TENM2: variants seen among roughly 807,000 people sequenced by gnomAD.
TENM2 encodes the protein teneurin transmembrane protein 2.
Under a neutral mutation model 245.2 loss-of-function variants are expected in TENM2, and 52 were observed. That is an observed-to-expected ratio of 0.21 (90% confidence interval 0.17 to 0.27). The LOEUF (loss-of-function observed/expected upper bound fraction) is 0.27. TENM2 is among the 10% of genes least tolerant of loss of function. The pLI is 1.00. For missense variants in TENM2, 3,046 were observed against 3,666.8 expected (o/e 0.83, Z 4.37); for synonymous variants, 1,363 against 1,438.9 (o/e 0.95, Z 1.19).
chr5:168,222,963 C>T (rs989355059), intron 23 of TENM2, among the ~76,000 whole-genome samples: 5 of 152,208 alleles, frequency 3.3e-5, no homozygotes, highest in Admixed American at 6.5e-5. Flanking sequence ...GCCTCCAGCC[C>T]CACTCCAGCC....
intron 3 of TENM2, chr5:167,934,973 G>C: frequency 1.1e-6 from 1 of 948,610 alleles, no homozygotes; most frequent in Non-Finnish European, 1.3e-6. Flanking sequence ...GCAAAGAAAG[G>C]GGGTGGGAAA....
intron 2 of TENM2, among the ~76,000 whole-genome samples, chr5:167,816,458 T>C (rs1468881560): frequency 1.3e-5 from 2 of 152,220 alleles, no homozygotes; most frequent in Non-Finnish European, 2.9e-5. Context: ...TTCTGAATCT[T>C]CTCTGCCACT....
At chr5:167,372,435 C>T (rs1371831735) in intron 1 of TENM2, among the ~76,000 whole-genome samples, 1 of 152,206 alleles carries the variant, frequency 6.6e-6, no homozygotes, top group Non-Finnish European at 1.5e-5. Context: ...TGGCCCTCAG[C>T]CCACTGTTAC....
At chr5:167,279,662 A>G in the TENM2 span, among the ~76,000 whole-genome samples, 3 of 151,346 alleles carry the variant, frequency 2.0e-5, no homozygotes, top group South Asian at 4.2e-4. Flanking sequence ...TGTTAAGTCA[A>G]TCTACCATCT....
chr5:167,032,302 G>T, the TENM2 span, among the ~76,000 whole-genome samples: 4 of 152,166 alleles, frequency 2.6e-5, no homozygotes, highest in Non-Finnish European at 5.9e-5. Flanking sequence ...CTTAAAATTT[G>T]CATTGAATGC....
At chr5:167,847,330 C>A (rs762292765) in intron 2 of TENM2, among the ~76,000 whole-genome samples, 1 of 152,228 alleles carries the variant, frequency 6.6e-6, no homozygotes, top group Non-Finnish European at 1.5e-5. Flanking sequence ...TTAAATGCCT[C>A]CACCCACAGT....
At position 168,251,291 on chromosome 5, in the gene TENM2, C is replaced by G. The variant is rs1342963382; in HGVS notation, c.7432+2920C>G. 2.6e-5 allele frequency among the ~76,000 whole-genome samples: 4 copies of G among 152,344 alleles called. No individual in the cohort carries two copies. In the East Asian group the frequency reaches 5.8e-4, roughly 22 times the overall value. ...GACCCCCTCAGCTACTTACCTGGCT[C>G]TCCAGAAAAGGCCAAAAAATAATTA... On this transcript the variant is annotated intron_variant, in intron 27 of 28. Coordinates refer to ENST00000518659, the Ensembl canonical transcript of TENM2.
chr5:167,550,100 A>AT (rs1316671351), intron 2 of TENM2, among the ~76,000 whole-genome samples: 1 of 152,164 alleles, frequency 6.6e-6, no homozygotes. Flanking sequence ...AGTCAAATGC[A>AT]TTTTTTAAAA....
intron 2 of TENM2, among the ~76,000 whole-genome samples, chr5:167,631,384 T>G (rs2127793195): frequency 1.3e-5 from 2 of 151,906 alleles, no homozygotes; most frequent in East Asian, 1.9e-4. Flanking sequence ...AGACCTGGAG[T>G]GTTCTCGGCA....
At chr5:167,856,207 G>A (rs941725795) in intron 2 of TENM2, among the ~76,000 whole-genome samples, 7 of 152,002 alleles carry the variant, frequency 4.6e-5, no homozygotes, top group Non-Finnish European at 7.4e-5. Context: ...CACCATTCCC[G>A]TCTCTGCTTG....
intron 2 of TENM2, among the ~76,000 whole-genome samples, chr5:167,785,784 A>C (rs1048591837): frequency 2.0e-5 from 3 of 152,216 alleles, no homozygotes; most frequent in African/African-American, 7.2e-5. Flanking sequence ...ATTTCCTAAG[A>C]GAGCATTAGA....
At chr5:167,403,513 A>G (rs1231211115) in intron 2 of TENM2, among the ~76,000 whole-genome samples, 3 of 152,250 alleles carry the variant, frequency 2.0e-5, no homozygotes, top group African/African-American at 7.2e-5. Flanking sequence ...AATGCTTCGC[A>G]GGTCTTCATG....
chr5:168,070,249 G>C (rs544611992), intron 7 of TENM2, among the ~76,000 whole-genome samples: 2 of 152,270 alleles, frequency 1.3e-5, no homozygotes, highest in East Asian at 3.9e-4. Context: ...CTCACAACTA[G>C]AGCATAGTTG....
chr5:167,845,273 A>T (rs1302697308), intron 2 of TENM2, among the ~76,000 whole-genome samples: 1 of 105,238 alleles, frequency 9.5e-6, no homozygotes, highest in Non-Finnish European at 1.9e-5. Flanking sequence ...ACACACACAC[A>T]CACACACAAC....
intron 5 of TENM2, among the ~76,000 whole-genome samples, chr5:167,995,794 G>A (rs1266709432): frequency 6.6e-6 from 1 of 152,210 alleles, no homozygotes; most frequent in East Asian, 1.9e-4. Context: ...TACTTACAGA[G>A]CTGCAGGGGC....
At chr5:167,457,781 C>G (rs1370359545) in intron 2 of TENM2, among the ~76,000 whole-genome samples, 4 of 152,220 alleles carry the variant, frequency 2.6e-5, no homozygotes, top group Non-Finnish European at 5.9e-5. Flanking sequence ...ACAATGACAA[C>G]ATTTCTGTTC....
chr5:167,066,155 G>T, the TENM2 span, among the ~76,000 whole-genome samples: 2 of 152,128 alleles, frequency 1.3e-5, no homozygotes, highest in African/African-American at 4.8e-5. Flanking sequence ...ATCTTTGAGG[G>T]ATATTGTGGG....
In TENM2 at chr5:167,400,978, C is replaced by T. The variant is rs141002573; in HGVS notation, c.502+25505C>T. Reference sequence around the variant, plus strand: ...TGGTGGCTCATGCCTGCAATCCTAGCGTTTTGGGAGGCTGAGGCAGAAGGA... The same window carrying T: ...TGGTGGCTCATGCCTGCAATCCTAGTGTTTTGGGAGGCTGAGGCAGAAGGA... On this transcript the variant is annotated intron_variant, in intron 2 of 28. Transcript: ENST00000518659. 1.3e-3 allele frequency among the ~76,000 whole-genome samples: 195 copies of T among 152,096 alleles called. 9 individuals are homozygous for T. In the East Asian group the frequency reaches 0.026, roughly 20 times the overall value.
chr5:167,178,757 A>G, the TENM2 span, among the ~76,000 whole-genome samples: 2 of 152,200 alleles, frequency 1.3e-5, no homozygotes, highest in African/African-American at 2.4e-5. Flanking sequence ...AAATAAAATC[A>G]AAGTCAAGTA....
Sources: allele counts gnomAD v4.1 joint callset (sites outside exome capture counted in the v4.1 genomes callset), GRCh38; gene constraint gnomAD v4.1.1; transcripts MANE v1.5; gene names NCBI Gene and HGNC (gene_info 2026-07-23, HGNC 2026-07-21).